FRAS1: variants seen among roughly 807,000 people sequenced by gnomAD.
FRAS1 encodes the protein extracellular matrix organizing protein FRAS1.
A neutral mutation model predicts 435.2 loss-of-function variants in FRAS1; 290 were observed. The ratio of observed to expected loss-of-function variants is 0.67; its 90% CI spans 0.61 to 0.73. The LOEUF is 0.73. Ranked by LOEUF, FRAS1 falls within the 30% of genes least tolerant of loss-of-function variation. The pLI is 0.00. For missense variants in FRAS1, 4,860 were observed against 5,001.5 expected, an observed-to-expected ratio of 0.97 and a Z score of 0.85; for synonymous variants, 1,800 against 1,851.0, an observed-to-expected ratio of 0.97 and a Z score of 0.71.
intron 15 of FRAS1, among the ~76,000 whole-genome samples, chr4:78,314,316 A>C (rs927040648): frequency 1.3e-5 from 2 of 151,454 alleles, no homozygotes; most frequent in Admixed American, 1.3e-4. Context: ...ACTCCCCCAC[A>C]CCTATTCTTT....
At chr4:78,097,080 A>C (rs1028777281) in intron 2 of FRAS1, among the ~76,000 whole-genome samples, 1 of 152,104 alleles carries the variant, frequency 6.6e-6, no homozygotes, top group Non-Finnish European at 1.5e-5. Context: ...AGATACCCTA[A>C]ATCATCTCTC....
At chr4:78,080,194 C>A (rs1056344179) in intron 2 of FRAS1, among the ~76,000 whole-genome samples, 1 of 152,084 alleles carries the variant, frequency 6.6e-6, no homozygotes, top group Non-Finnish European at 1.5e-5. Flanking sequence ...CTGTGAAAAG[C>A]CAAAATGGAT....
chr4:78,304,482 A>G (rs925114213), intron 14 of FRAS1, among the ~76,000 whole-genome samples: 2 of 152,282 alleles, frequency 1.3e-5, no homozygotes, highest in Non-Finnish European at 1.5e-5. Context: ...TCGGCTGTGA[A>G]TCCATCTGGT....
intron 2 of FRAS1, among the ~76,000 whole-genome samples, chr4:78,102,659 TATATAGTGAGGGC>T (rs1742191954): frequency 6.6e-6 from 1 of 152,174 alleles, no homozygotes. Context: ...GCAAGCCAAA[TATATAGTGAGGGC>T]TACTATAAAG....
At chr4:78,058,856 T>C (rs1334655845) in intron 1 of FRAS1, among the ~76,000 whole-genome samples, 1 of 152,070 alleles carries the variant, frequency 6.6e-6, no homozygotes, top group Non-Finnish European at 1.5e-5. Context: ...AATGAGTCAA[T>C]AAGTAAATCA....
At chr4:78,384,838 G>A (rs1344481327) in intron 28 of FRAS1, among the ~76,000 whole-genome samples, 1 of 149,350 alleles carries the variant, frequency 6.7e-6, no homozygotes, top group Non-Finnish European at 1.5e-5. Context: ...GCTCAGGGAG[G>A]TTGAGGCTGC....
intron 2 of FRAS1, among the ~76,000 whole-genome samples, chr4:78,177,988 T>A (rs942902799): frequency 7.9e-5 from 12 of 152,128 alleles, no homozygotes; most frequent in African/African-American, 2.9e-4. Context: ...TCAAAGAAAT[T>A]TTTTCTGTCT....
At position 78,445,571 on chromosome 4, in the gene FRAS1, T is replaced by A; in HGVS notation, c.5715T>A (p.Pro1905=). 1 of 1,612,410 alleles carries A rather than the reference T, an allele frequency of 6.2e-7. No homozygotes were observed. Among genetic ancestry groups the A allele is most frequent in the Non-Finnish European group, 8.5e-7 (1 of 1,178,906 alleles). ...ETASDLEASF[P]IQDVLENYIY... ...CCAGTGACCTAGAGGCATCATTTCC[T>A]ATTCAAGACGTCCTGGAAAACTACA... The change falls in exon 42 of 74, where the codon CCT becomes CCA. Residue 1905 remains proline, a synonymous_variant. Coordinates refer to ENST00000512123, the MANE Select transcript of FRAS1 (RefSeq NM_025074.7).
At chr4:78,118,787 C>T (rs557039583) in intron 2 of FRAS1, among the ~76,000 whole-genome samples, 49 of 152,250 alleles carry the variant, frequency 3.2e-4, no homozygotes, top group African/African-American at 1.2e-3. Flanking sequence ...AATGCCTCAC[C>T]CTCCTTCGGC....
intron 5 of FRAS1, among the ~76,000 whole-genome samples, chr4:78,253,747 T>C (rs1157423909): frequency 6.6e-6 from 1 of 152,092 alleles, no homozygotes; most frequent in Non-Finnish European, 1.5e-5. Context: ...ATTCTGTGAG[T>C]TTCTGATTTA....
intron 2 of FRAS1, among the ~76,000 whole-genome samples, chr4:78,226,284 T>C (rs567226814): frequency 2.0e-5 from 3 of 152,310 alleles, no homozygotes; most frequent in Admixed American, 6.5e-5. Flanking sequence ...ATTTACCCTA[T>C]TATTCTAAAT....
intron 2 of FRAS1, among the ~76,000 whole-genome samples, chr4:78,170,955 ACTCT>A (rs1553926240): frequency 6.8e-6 from 1 of 147,624 alleles, no homozygotes; most frequent in Non-Finnish European, 1.5e-5. Context: ...ATCCCATTCC[ACTCT>A]CTCTCTCTCA....
intron 2 of FRAS1, among the ~76,000 whole-genome samples, chr4:78,118,182 G>T (rs1477954808): frequency 6.6e-6 from 1 of 152,066 alleles, no homozygotes; most frequent in Non-Finnish European, 1.5e-5. Flanking sequence ...CCTGATCATT[G>T]CTCTGGAAGT....
At chr4:78,089,498 T>G (rs1404174770) in intron 2 of FRAS1, among the ~76,000 whole-genome samples, 1 of 152,146 alleles carries the variant, frequency 6.6e-6, no homozygotes, top group Non-Finnish European at 1.5e-5. Context: ...CAAGGGGCCT[T>G]TGTATTTCCC....
intron 2 of FRAS1, among the ~76,000 whole-genome samples, chr4:78,081,200 C>T (rs923389015): frequency 5.3e-5 from 8 of 152,104 alleles, no homozygotes; most frequent in African/African-American, 1.7e-4. Context: ...AAAGTCCCCA[C>T]AAGGGAGAAT....
At chr4:78,387,242 A>G (rs2110329488) in intron 28 of FRAS1, 133 bp from the exon 29 acceptor site, 1 of 654,388 alleles carries the variant, frequency 1.5e-6, no homozygotes, top group Non-Finnish European at 2.6e-6. Context: ...TGTGTTCACC[A>G]TAGAACAGTT....
chr4:78,222,116 A>G (rs10518196), intron 2 of FRAS1, among the ~76,000 whole-genome samples: 52,848 of 151,844 alleles, frequency 0.35, 9,208 homozygotes, highest in Admixed American at 0.37. Context: ...ACTATGTATT[A>G]ATGGGCTCAA....
At chr4:78,099,315 A>G (rs926223273) in intron 2 of FRAS1, among the ~76,000 whole-genome samples, 1 of 152,208 alleles carries the variant, frequency 6.6e-6, no homozygotes, top group Admixed American at 6.5e-5. Flanking sequence ...GAATGCTTCT[A>G]TAAGTGGCGC....
chr4:78,494,983 A>G (rs997724979), intron 59 of FRAS1, among the ~76,000 whole-genome samples: 1 of 152,194 alleles, frequency 6.6e-6, no homozygotes, highest in African/African-American at 2.4e-5. Context: ...ATAACCCTAT[A>G]TTCTCTTCAA....
Sources: gnomAD v4.1 joint callset for allele counts (sites outside exome capture counted in the v4.1 genomes callset) on GRCh38, gnomAD v4.1.1 for gene constraint, MANE v1.5 for transcripts, NCBI Gene and HGNC (gene_info 2026-07-23, HGNC 2026-07-21) for gene names.